ADGRL2: variants seen among roughly 807,000 people sequenced by gnomAD.
The protein encoded by ADGRL2 is adhesion G protein-coupled receptor L2.
Under a neutral mutation model 157.4 loss-of-function variants are expected in ADGRL2, and 44 were observed. That is an observed-to-expected ratio of 0.28 (90% confidence interval 0.22 to 0.36). The LOEUF is 0.36. Ranked by LOEUF, ADGRL2 falls within the 10% of genes least tolerant of loss-of-function variation. The probability of loss-of-function intolerance (pLI) is 1.00; values close to 1 mark genes in which losing one functional copy is unlikely to be tolerated. For missense variants in ADGRL2, 1,510 were observed against 1,768.9 expected (o/e 0.85, Z 2.63); for synonymous variants, 585 against 624.7 (o/e 0.94, Z 0.95).
chr1:81,895,935 G>A (rs969660648), intron 2 of ADGRL2, among the ~76,000 whole-genome samples: 22 of 152,134 alleles, frequency 1.4e-4, no homozygotes, highest in Non-Finnish European at 2.6e-4. Context: ...CAATGTTGGA[G>A]TGACTCACTG....
chr1:81,916,980 A>T (rs1053582210), intron 3 of ADGRL2, among the ~76,000 whole-genome samples: 27 of 151,686 alleles, frequency 1.8e-4, no homozygotes, highest in South Asian at 1.7e-3. Context: ...AGAGAAAAAA[A>T]AAATACATAT....
intron 2 of ADGRL2, among the ~76,000 whole-genome samples, chr1:81,516,563 C>T (rs191614361): frequency 3.0e-4 from 46 of 152,312 alleles, no homozygotes; most frequent in African/African-American, 4.3e-4. Context: ...CTCTGATCAT[C>T]TGACAAAATA....
intron 2 of ADGRL2, among the ~76,000 whole-genome samples, chr1:81,775,560 G>C (rs577876141): frequency 1.3e-5 from 2 of 151,478 alleles, no homozygotes; most frequent in Admixed American, 1.3e-4. Flanking sequence ...GGAGCATTCA[G>C]CTTGGGTAAT....
At chr1:81,559,620 A>G (rs1570501957) in intron 2 of ADGRL2, among the ~76,000 whole-genome samples, 2 of 152,218 alleles carry the variant, frequency 1.3e-5, no homozygotes, top group Non-Finnish European at 2.9e-5. Flanking sequence ...AATTTTCAAC[A>G]TTGCTGAGTT....
At chr1:81,322,448 T>G (rs192919345) in intron 1 of ADGRL2, among the ~76,000 whole-genome samples, 1 of 152,212 alleles carries the variant, frequency 6.6e-6, no homozygotes, top group Admixed American at 6.5e-5. Context: ...TATACAATTT[T>G]AAATGAGGTT....
At chr1:81,358,610 T>C (rs6424749) in intron 1 of ADGRL2, among the ~76,000 whole-genome samples, 77,413 of 151,910 alleles carry the variant, frequency 0.51, 21,705 homozygotes, top group East Asian at 0.72. Flanking sequence ...TTGATTAACT[T>C]CCACTGGTGC....
chr1:81,787,793 T>C (rs2087129576), intron 2 of ADGRL2, among the ~76,000 whole-genome samples: 1 of 152,078 alleles, frequency 6.6e-6, no homozygotes, highest in African/African-American at 2.4e-5. Flanking sequence ...AAAGGGGCAA[T>C]ATAATTTCAA....
intron 2 of ADGRL2, among the ~76,000 whole-genome samples, chr1:81,532,171 T>C (rs1010423423): frequency 2.6e-5 from 4 of 152,192 alleles, no homozygotes; most frequent in African/African-American, 7.2e-5. Context: ...TAAATGTGCA[T>C]AGGAGTTCAA....
intron 2 of ADGRL2, among the ~76,000 whole-genome samples, chr1:81,869,377 A>C (rs1477019179): frequency 2.6e-5 from 4 of 152,104 alleles, no homozygotes; most frequent in Non-Finnish European, 5.9e-5. Context: ...GGCCCTTGCT[A>C]CGTTACTTTA....
chr1:81,907,370 T>G, intron 3 of ADGRL2, 140 bp downstream of exon 3: 1 of 629,088 alleles, frequency 1.6e-6, no homozygotes, highest in Non-Finnish European at 2.8e-6. Context: ...CCTACTAATG[T>G]TGATATCTAC....
chr1:81,930,136 A>T lies in ADGRL2; in HGVS notation c.288-6592A>T, dbSNP rs202055259. ...ACAGTATGCTATATTATTTTTCGATACAATTTATTCTGAGAGTATAAGTAA... is the reference window on the plus strand; with the variant it reads ...ACAGTATGCTATATTATTTTTCGATTCAATTTATTCTGAGAGTATAAGTAA... On this transcript the variant is annotated intron_variant, in intron 3 of 23. Transcript: ENST00000686636. Among the ~76,000 whole-genome samples the T allele has an allele frequency of 1.1e-4, 17 of 152,278 alleles. No homozygotes were observed. The East Asian group carries it at 2.9e-3, about 26-fold the overall frequency.
intron 3 of ADGRL2, among the ~76,000 whole-genome samples, chr1:81,643,840 A>C (rs1306303070): frequency 1.3e-5 from 2 of 152,220 alleles, no homozygotes; most frequent in African/African-American, 4.8e-5. Context: ...AAATCTATAG[A>C]TTTAAAGCAA....
chr1:81,881,190 T>C (rs2093977087), intron 2 of ADGRL2, among the ~76,000 whole-genome samples: 2 of 152,188 alleles, frequency 1.3e-5, no homozygotes. Context: ...TTTATTTTAT[T>C]TTTGAGACGG....
At chr1:81,655,207 A>G (rs1056412356) in intron 3 of ADGRL2, among the ~76,000 whole-genome samples, 3 of 152,156 alleles carry the variant, frequency 2.0e-5, no homozygotes, top group East Asian at 3.9e-4. Flanking sequence ...TCACTGTGTT[A>G]GCCAGGATGA....
rs1651361415 is a variant in ADGRL2 at position 81,950,316 on chromosome 1, A to G, written c.1338A>G (p.Lys446=). The G allele has an allele frequency of 1.2e-6, 2 of 1,614,078 alleles. No individual in the cohort carries two copies. The highest frequency in any genetic ancestry group is 1.7e-6 in the Non-Finnish European group (2 of 1,179,950). The part of the protein sequence containing the change: ...TTVAGSQEGS[K]GTKPPPAVST... ...TAGCTGGATCACAGGAAGGAAGCAA[A>G]GGGACAAAACCACCTCCAGCAGTTT... Residue 446 remains lysine, a synonymous_variant, in exon 7 of 24, where the codon AAA becomes AAG. Transcript: ENST00000686636.
chr1:81,673,394 T>C (rs1570795848), intron 3 of ADGRL2, among the ~76,000 whole-genome samples: 1 of 152,306 alleles, frequency 6.6e-6, no homozygotes, highest in South Asian at 2.1e-4. Context: ...CTCACTTTTC[T>C]ATGGTCTAAC....
chr1:81,902,917 TGTGCACA>T (rs1485036508), intron 2 of ADGRL2, among the ~76,000 whole-genome samples: 6 of 152,318 alleles, frequency 3.9e-5, no homozygotes, highest in Middle Eastern at 3.4e-3. Context: ...TCTATATGGA[TGTGCACA>T]GCACATCCAT....
chr1:81,667,265 C>T (rs2082770347), intron 3 of ADGRL2, among the ~76,000 whole-genome samples: 1 of 152,096 alleles, frequency 6.6e-6, no homozygotes, highest in Admixed American at 6.6e-5. Context: ...GTGACCCTTC[C>T]CACACAACAA....
At chr1:81,407,456 G>A (rs1303278240) in intron 1 of ADGRL2, among the ~76,000 whole-genome samples, 2 of 152,232 alleles carry the variant, frequency 1.3e-5, no homozygotes, top group African/African-American at 4.8e-5. Flanking sequence ...GAAAGCTGGA[G>A]ACTGCCCACT....
Sources: gnomAD v4.1 joint callset for allele counts (sites outside exome capture counted in the v4.1 genomes callset) on GRCh38, gnomAD v4.1.1 for gene constraint, MANE v1.5 for transcripts, NCBI Gene and HGNC (gene_info 2026-07-23, HGNC 2026-07-21) for gene names.